The following HS6ST3 variants were observed in gnomAD, a reference collection of about 807,000 sequenced individuals.
HS6ST3 encodes the protein heparan sulfate 6-O-sulfotransferase 3.
In HS6ST3, 12 loss-of-function variants were observed where a neutral mutation model predicts 36.7. The observed-to-expected ratio is 0.33, with a 90% CI of 0.21 to 0.53. The LOEUF (loss-of-function observed/expected upper bound fraction) is 0.53. Among genes scored for constraint, HS6ST3 ranks in the 20% least tolerant of loss-of-function variants. The pLI, the probability that HS6ST3 is intolerant of heterozygous loss-of-function variation, is 0.95. For missense variants in HS6ST3, 584 were observed against 640.9 expected, an observed-to-expected ratio of 0.91 and a Z score of 0.96; for synonymous variants, 240 against 257.5, an observed-to-expected ratio of 0.93 and a Z score of 0.65.
At chr13:96,640,869 A>G (rs919535924) in intron 1 of HS6ST3, among the ~76,000 whole-genome samples, 63 of 151,888 alleles carry the variant, frequency 4.1e-4, no homozygotes, top group African/African-American at 1.5e-3. Flanking sequence ...GTAGGTGTGT[A>G]ACTTTATTTC....
At chr13:96,347,858 G>A (rs975251551) in intron 1 of HS6ST3, among the ~76,000 whole-genome samples, 9 of 152,196 alleles carry the variant, frequency 5.9e-5, no homozygotes, top group Admixed American at 3.3e-4. Context: ...TGAGTACGCC[G>A]CTCTGTGCTT....
At chr13:96,499,067 C>T (rs933718247) in intron 1 of HS6ST3, among the ~76,000 whole-genome samples, 1 of 150,790 alleles carries the variant, frequency 6.6e-6, no homozygotes, top group East Asian at 1.9e-4. Context: ...GCTCTGTTGC[C>T]TAGGCTGGAG....
At chr13:96,334,585 T>C (rs145738017) in intron 1 of HS6ST3, among the ~76,000 whole-genome samples, 6 of 152,292 alleles carry the variant, frequency 3.9e-5, no homozygotes, top group African/African-American at 1.4e-4. Context: ...GGCCCCACAA[T>C]GATGGTGGAA....
chr13:96,366,964 C>T (rs183522539), intron 1 of HS6ST3, among the ~76,000 whole-genome samples: 6 of 152,318 alleles, frequency 3.9e-5, no homozygotes, highest in Admixed American at 6.5e-5. Context: ...CTTTGTCCCT[C>T]CTTCGCCTTC....
In HS6ST3 at chr13:96,403,447, C is replaced by T. The variant is rs574519345; in HGVS notation, c.707+311878C>T. ...ATCAGAGCCAGAGCAGGTGTTGCTGCCATCTGAGAGTGATCATCATTTGCA... is the reference window on the plus strand; with the variant it reads ...ATCAGAGCCAGAGCAGGTGTTGCTGTCATCTGAGAGTGATCATCATTTGCA... On this transcript the variant is annotated intron_variant, in intron 1 of 1. Transcript: ENST00000376705. Among the ~76,000 whole-genome samples, 4 of 152,264 alleles carry T rather than the reference C, an allele frequency of 2.6e-5. No individual in the cohort carries two copies. The South Asian group carries it at 8.3e-4, about 32-fold the overall frequency.
At chr13:96,703,921 C>G (rs1875353059) in intron 1 of HS6ST3, among the ~76,000 whole-genome samples, 1 of 152,150 alleles carries the variant, frequency 6.6e-6, no homozygotes, top group South Asian at 2.1e-4. Flanking sequence ...GGCTTTCCCT[C>G]TCCCCACCCC....
intron 1 of HS6ST3, among the ~76,000 whole-genome samples, chr13:96,666,294 A>G (rs2056664044): frequency 1.3e-5 from 2 of 152,160 alleles, no homozygotes; most frequent in Non-Finnish European, 2.9e-5. Flanking sequence ...CTCTGATGAC[A>G]TGGGGGGATT....
At chr13:96,774,636 A>C (rs944652819) in intron 1 of HS6ST3, among the ~76,000 whole-genome samples, 2 of 152,168 alleles carry the variant, frequency 1.3e-5, no homozygotes, top group Non-Finnish European at 2.9e-5. Context: ...TAGAGAAAAA[A>C]TAATGAAAAG....
Position 96,545,824 on chromosome 13 carries a change from A to G in HS6ST3, c.708-286666A>G, listed in dbSNP as rs201947871. ...GAGAGCCAGCGGATACCATCCACAG[A>G]TATTAAGAAGAGGTAGAACGTTAGC... On this transcript the variant is annotated intron_variant, in intron 1 of 1. Coordinates refer to ENST00000376705, the MANE Select transcript of HS6ST3 (RefSeq NM_153456.4). 6.6e-5 allele frequency among the ~76,000 whole-genome samples: 10 copies of G among 152,294 alleles called. No individual in the cohort carries two copies. The East Asian group carries it at 1.7e-3, about 26-fold the overall frequency.
At chr13:96,531,881 C>T (rs1417140519) in intron 1 of HS6ST3, among the ~76,000 whole-genome samples, 1 of 152,216 alleles carries the variant, frequency 6.6e-6, no homozygotes, top group African/African-American at 2.4e-5. Context: ...GAGAAATAAA[C>T]ACAATGGTCT....
At chr13:96,359,769 C>A (rs900667843) in intron 1 of HS6ST3, among the ~76,000 whole-genome samples, 2 of 152,122 alleles carry the variant, frequency 1.3e-5, no homozygotes, top group South Asian at 4.1e-4. Context: ...TGAAAAACTT[C>A]AGATTTGGCC....
intron 1 of HS6ST3, among the ~76,000 whole-genome samples, chr13:96,634,154 A>G (rs958492273): frequency 6.6e-6 from 1 of 152,178 alleles, no homozygotes; most frequent in Non-Finnish European, 1.5e-5. Flanking sequence ...GAATTGTGAG[A>G]AACAGATGTC....
At chr13:96,591,692 T>C (rs1447306429) in intron 1 of HS6ST3, among the ~76,000 whole-genome samples, 2 of 152,130 alleles carry the variant, frequency 1.3e-5, no homozygotes, top group African/African-American at 4.8e-5. Flanking sequence ...CTTTATATCT[T>C]TCTCTTGTCC....
chr13:96,605,837 A>C (rs1485620202), intron 1 of HS6ST3, among the ~76,000 whole-genome samples: 1 of 151,842 alleles, frequency 6.6e-6, no homozygotes, highest in Non-Finnish European at 1.5e-5. Context: ...CAAGCTATGC[A>C]TCCAGCGAAG....
chr13:96,671,147 C>T (rs576792258), intron 1 of HS6ST3, among the ~76,000 whole-genome samples: 1 of 152,154 alleles, frequency 6.6e-6, no homozygotes, highest in African/African-American at 2.4e-5. Flanking sequence ...CAGCTGCCTA[C>T]CTGCTTCCAC....
At chr13:96,297,692 G>C (rs914272222) in intron 1 of HS6ST3, among the ~76,000 whole-genome samples, 12 of 151,962 alleles carry the variant, frequency 7.9e-5, no homozygotes, top group Non-Finnish European at 1.3e-4. Context: ...TCATTTTTGA[G>C]CTTCCAGACA....
chr13:96,384,719 AT>A (rs2055358796), intron 1 of HS6ST3, among the ~76,000 whole-genome samples: 1 of 152,092 alleles, frequency 6.6e-6, no homozygotes, highest in African/African-American at 2.4e-5. Context: ...TTAGAAGCAA[AT>A]TTCCAACAAC....
intron 1 of HS6ST3, among the ~76,000 whole-genome samples, chr13:96,256,871 G>A (rs1471258093): frequency 6.6e-6 from 1 of 152,138 alleles, no homozygotes; most frequent in Admixed American, 6.5e-5. Flanking sequence ...GAGTGAAAGA[G>A]TGTGCTATAA....
intron 1 of HS6ST3, among the ~76,000 whole-genome samples, chr13:96,656,594 G>T (rs953194870): frequency 7.2e-5 from 11 of 152,120 alleles, no homozygotes; most frequent in African/African-American, 2.7e-4. Flanking sequence ...TGTGTTTAGG[G>T]CCAAGGCTTT....
Sources: gnomAD v4.1 joint callset for allele counts (sites outside exome capture counted in the v4.1 genomes callset) on GRCh38, gnomAD v4.1.1 for gene constraint, MANE v1.5 for transcripts, NCBI Gene and HGNC (gene_info 2026-07-23, HGNC 2026-07-21) for gene names.